DCLRE1A: variants seen among roughly 807,000 people sequenced by gnomAD.
DCLRE1A encodes DNA cross-link repair 1A protein.
Under a neutral mutation model 91.9 loss-of-function variants are expected in DCLRE1A, and 64 were observed. The ratio of observed to expected loss-of-function variants is 0.70; its 90% confidence interval spans 0.57 to 0.86. The LOEUF (loss-of-function observed/expected upper bound fraction) is 0.86. Among genes scored for constraint, DCLRE1A ranks in the 40% least tolerant of loss-of-function variants. The pLI, the probability that DCLRE1A is intolerant of heterozygous loss-of-function variation, is 0.00. For synonymous variants in DCLRE1A, 416 were observed against 431.1 expected (o/e 0.96, Z 0.43); for missense variants, 1,145 against 1,213.3 (o/e 0.94, Z 0.84).
Position 113,844,043 on chromosome 10 carries a change from T to C in DCLRE1A, c.2519+61A>G, listed in dbSNP as rs1439896259. 3.1e-6 allele frequency: 5 copies of C among 1,597,152 alleles called. No individual in the cohort carries two copies. In the South Asian group the frequency reaches 4.5e-5, roughly 14 times the overall value. ...CAATAAGCCATCATTTTGATAACCA[T>C]AATACAGAGAGCAAAGGCTGTCAGT... On this transcript the variant is annotated intron_variant, in intron 5 of 8. Transcript: ENST00000361384.
chr10:113,852,492 G>GA (rs1225161030), intron 1 of DCLRE1A, among the ~76,000 whole-genome samples: 1 of 152,220 alleles, frequency 6.6e-6, no homozygotes, highest in Non-Finnish European at 1.5e-5. Flanking sequence ...AACATTTATG[G>GA]AAAATAATCC....
In DCLRE1A at chr10:113,847,185, A is replaced by G. The variant is rs1162570948; in HGVS notation, c.2259+17T>C. On this transcript the variant is annotated intron_variant, in intron 3 of 8. Transcript: ENST00000361384. ...ACAGCATTCTACAAAGTCAAAAGTT[A>G]GAATACTAAAACTTACCTCACTACA... The G allele has an allele frequency of 1.3e-6, 2 of 1,577,780 alleles. No individual in the cohort carries two copies. Among genetic ancestry groups the G allele is most frequent in the Non-Finnish European group, 1.7e-6 (2 of 1,157,740 alleles).
At chr10:113,841,209 G>A (rs1469165789) in intron 7 of DCLRE1A, among the ~76,000 whole-genome samples, 197 bp downstream of exon 7, 1 of 152,040 alleles carries the variant, frequency 6.6e-6, no homozygotes, top group Non-Finnish European at 1.5e-5. Context: ...AACTTCTGGT[G>A]GGCATATGAA....
In DCLRE1A at chr10:113,836,922, A is replaced by G. The variant is rs1258444787; in HGVS notation, c.2962+140T>C. The G allele has an allele frequency of 7.0e-5, 49 of 704,564 alleles. No homozygotes were observed. In the East Asian group the frequency reaches 1.3e-3, roughly 19 times the overall value. The allele number at this position is 704,564 out of a possible 1,614,324, so 43.6% of individuals were successfully genotyped here. A position where few individuals can be genotyped will look rare whatever the true frequency, so the allele number is the denominator to read the frequency against. ...TTTACAATGGACTAGATACAGGATT[A>G]GAGTTGTAGAGAGATGAAAACTCTT... is the stretch of plus-strand genomic sequence containing the variant. On this transcript the variant is annotated intron_variant, in intron 8 of 8. Coordinates refer to ENST00000361384, the MANE Select transcript of DCLRE1A (RefSeq NM_014881.5).
At position 113,849,665 on chromosome 10, in the gene DCLRE1A, T is replaced by G. The variant is rs781291493; in HGVS notation, c.1440A>C (p.Gln480His). The change falls in exon 2 of 9, where the codon CAA (glutamine) becomes CAC (histidine). Residue 480 changes from glutamine to histidine, a missense_variant. Coordinates refer to ENST00000361384, the MANE Select transcript of DCLRE1A (RefSeq NM_014881.5). ...ATTTTCTAATTGTATTTTGGGTTGG[T>G]TGGGAAGAAAGATACCCTTCTACCT... ...ESQVEGYLSS[Q>H]PTQNTIRKLS... The G allele has an allele frequency of 6.8e-6, 11 of 1,614,086 alleles. No individual in the cohort carries two copies. In the African/African-American group the frequency reaches 1.2e-4, roughly 18 times the overall value.
chr10:113,846,621 G>C (rs1176972432), intron 3 of DCLRE1A, among the ~76,000 whole-genome samples: 1 of 151,952 alleles, frequency 6.6e-6, no homozygotes, highest in African/African-American at 2.4e-5. Flanking sequence ...TATCTGCAGG[G>C]GACTGGTTCC....
At position 113,837,052 on chromosome 10, in the gene DCLRE1A, A is replaced by G. The variant is rs778186002; in HGVS notation, c.2962+10T>C. 1.3e-6 allele frequency: 2 copies of G among 1,569,814 alleles called. No homozygotes were observed. Among genetic ancestry groups the G allele is most frequent in the East Asian group, 2.3e-5 (1 of 44,270 alleles). On this transcript the variant is annotated intron_variant, in intron 8 of 8. Coordinates refer to ENST00000361384, the MANE Select transcript of DCLRE1A (RefSeq NM_014881.5). ...TAAACACTAAAAGTGAGAAAATTTA[A>G]TAACTATACCATATATTGAAATGTT...
intron 5 of DCLRE1A, among the ~76,000 whole-genome samples, chr10:113,843,436 C>T (rs1845479130): frequency 6.6e-6 from 1 of 152,150 alleles, no homozygotes; most frequent in African/African-American, 2.4e-5. Flanking sequence ...TGTGAGAAAA[C>T]TGGATGCGGA....
At chr10:113,837,039 G>C (rs778982926) in intron 8 of DCLRE1A, 23 bp downstream of exon 8, 1 of 1,557,026 alleles carries the variant, frequency 6.4e-7, no homozygotes, top group African/African-American at 1.4e-5. Context: ...AACACTAAAA[G>C]TGAGAAAATT....
chr10:113,841,376 T>C (rs1593071951), intron 7 of DCLRE1A, 30 bp downstream of exon 7: 1 of 1,604,872 alleles, frequency 6.2e-7, no homozygotes, highest in South Asian at 1.1e-5. Context: ...TTTTTGTTCA[T>C]CCTAAAAGAC....
chr10:113,852,562 A>AT (rs1723554561), intron 1 of DCLRE1A, among the ~76,000 whole-genome samples, 161 bp downstream of exon 1: 1 of 152,212 alleles, frequency 6.6e-6, no homozygotes, highest in African/African-American at 2.4e-5. Context: ...CTAGTCTGCC[A>AT]TTTGCTTTAC....
At position 113,849,571 on chromosome 10, in the gene DCLRE1A, C is replaced by T; in HGVS notation, c.1534G>A (p.Gly512Ser). 1 of 1,613,770 alleles carries T rather than the reference C, an allele frequency of 6.2e-7. No homozygotes were observed. Among genetic ancestry groups the T allele is most frequent in the Non-Finnish European group, 8.5e-7 (1 of 1,179,974 alleles). Residue 512 changes from glycine (G) to serine (S), a missense_variant, in exon 2 of 9, where the codon GGT becomes AGT. Physicochemically the swap from Gly to Ser is moderately conservative, Grantham distance 56. Coordinates refer to ENST00000361384, the MANE Select transcript of DCLRE1A (RefSeq NM_014881.5). ...SACFCRKALE[G>S]VPVGKATILN... ...ATTGTAGCTTTACCAACTGGCACAC[C>T]CTCTAATGCCTTTCTGCAGAAACAT... is the stretch of plus-strand genomic sequence containing the variant.
chr10:113,835,367 C>G, intron 8 of DCLRE1A, 55 bp from the exon 9 acceptor site: 1 of 1,486,798 alleles, frequency 6.7e-7, no homozygotes, highest in Non-Finnish European at 9.0e-7. Context: ...TTTAAACTTT[C>G]ACAATCCTAA....
At position 113,849,568 on chromosome 10, in the gene DCLRE1A, C is replaced by T. The variant is rs1345537237; in HGVS notation, c.1537G>A (p.Val513Met). The change falls in exon 2 of 9, where the codon GTG (valine) becomes ATG (methionine). Residue 513 changes from valine (V) to methionine (M), a missense_variant. Val to Met is a conservative substitution (Grantham distance 21, BLOSUM62 1). Coordinates refer to ENST00000361384, the MANE Select transcript of DCLRE1A (RefSeq NM_014881.5). ...ACFCRKALEG[V>M]PVGKATILNT... is the part of the protein sequence containing the mutation. ...AAAATTGTAGCTTTACCAACTGGCA[C>T]ACCCTCTAATGCCTTTCTGCAGAAA... 8.7e-6 allele frequency: 14 copies of T among 1,613,732 alleles called. No homozygotes were observed. Among genetic ancestry groups the T allele is most frequent in the African/African-American group, 4.0e-5 (3 of 74,942 alleles).
chr10:113,837,946 C>T (rs535768658), intron 7 of DCLRE1A, among the ~76,000 whole-genome samples: 1 of 152,186 alleles, frequency 6.6e-6, no homozygotes, highest in East Asian at 1.9e-4. Flanking sequence ...AAATCTAATA[C>T]TTTTGGTCTG....
In DCLRE1A at chr10:113,852,991, T is replaced by A. The variant is rs144983275; in HGVS notation, c.192A>T (p.Glu64Asp). ...GACAACCTGCATTTCCAAGGGGCAC[T>A]TCATGGTCCTTCACCTCTTTAGCTT... ...AAEAKEVKDH[E>D]VPLGNAGCQT... Residue 64 changes from glutamate to aspartate, a missense_variant, in exon 1 of 9, where the codon GAA (glutamate) becomes GAT (aspartate). Transcript: ENST00000361384. 7 of 1,614,090 alleles carry A rather than the reference T, an allele frequency of 4.3e-6. No homozygotes were observed. The highest frequency in any genetic ancestry group is 5.1e-6 in the Non-Finnish European group (6 of 1,180,044).
chr10:113,853,332 T>C lies in DCLRE1A; in HGVS notation c.-150A>G. The C allele has an allele frequency of 1.4e-6, 1 of 714,516 alleles. No individual in the cohort carries two copies. Among genetic ancestry groups the C allele is most frequent in the East Asian group, 2.8e-5 (1 of 35,794 alleles). The allele number at this position is 714,516 out of a possible 1,614,324, so 44.3% of individuals were successfully genotyped here. On this transcript the variant is annotated 5_prime_UTR_variant, in exon 1 of 9. Transcript: ENST00000361384. Reference sequence around the variant, plus strand: ...ACCAACTCAATGGGAATCTGCAGTGTTGGTAATGAACATATTGGCAAGCTA... The same window carrying C: ...ACCAACTCAATGGGAATCTGCAGTGCTGGTAATGAACATATTGGCAAGCTA...
At position 113,850,129 on chromosome 10, in the gene DCLRE1A, T is replaced by TA. The variant is rs766889798; in HGVS notation, c.975dup (p.Thr326TyrfsTer13). On this transcript the variant is annotated frameshift_variant, in exon 2 of 9. Coordinates refer to ENST00000361384, the MANE Select transcript of DCLRE1A (RefSeq NM_014881.5). LOFTEE classifies it high-confidence loss of function. ...AGGCTGCCATCTTTTGAGCTTTCGG[T>TA]AAAAAACAGTTGTTCTTGTGAATCA... is the stretch of plus-strand genomic sequence containing the variant. 2 of 1,613,988 alleles carry TA rather than the reference T, an allele frequency of 1.2e-6. No homozygotes were observed. Among genetic ancestry groups the TA allele is most frequent in the East Asian group, 2.2e-5 (1 of 44,896 alleles).
intron 5 of DCLRE1A, among the ~76,000 whole-genome samples, chr10:113,843,355 T>A (rs1845478090): frequency 6.6e-6 from 1 of 152,190 alleles, no homozygotes; most frequent in Admixed American, 6.5e-5. Context: ...AAAGGGTTTT[T>A]TTAAAAACTT....
Sources: allele counts gnomAD v4.1 joint callset (sites outside exome capture counted in the v4.1 genomes callset), GRCh38; gene constraint gnomAD v4.1.1; transcripts MANE v1.5; gene names NCBI Gene and HGNC (gene_info 2026-07-23, HGNC 2026-07-21).